The following TRPM8 variants were observed in gnomAD, a reference collection of about 807,000 sequenced individuals.
TRPM8 encodes the protein transient receptor potential cation channel subfamily M member 8.
A neutral mutation model predicts 133.7 loss-of-function variants in TRPM8; 110 were observed. That is an observed-to-expected ratio of 0.82 (90% confidence interval 0.70 to 0.96). TRPM8 has a LOEUF of 0.96. Ranked by LOEUF, TRPM8 falls within the 40% of genes least tolerant of loss-of-function variation. TRPM8 has a pLI of 0.00. For missense variants in TRPM8, 1,291 were observed against 1,379.5 expected (o/e 0.94, Z 1.02); for synonymous variants, 535 against 532.3 (o/e 1.01, Z -0.07).
chr2:233,977,247 G>A (rs954228072), intron 17 of TRPM8, among the ~76,000 whole-genome samples: 1 of 152,152 alleles, frequency 6.6e-6, no homozygotes, highest in Non-Finnish European at 1.5e-5. Context: ...ATGCCTTCAC[G>A]GAGGGCACCA....
chr2:233,971,087 T>G (rs1691701927), intron 17 of TRPM8, among the ~76,000 whole-genome samples: 1 of 152,228 alleles, frequency 6.6e-6, no homozygotes, highest in African/African-American at 2.4e-5. Flanking sequence ...GAAAATCTTT[T>G]CACACTTAGC....
rs2125143155 is a variant in TRPM8, at chr2:233,953,995, G to A, written c.1219G>A (p.Ala407Thr). The change falls in exon 10 of 26, where the codon GCC (alanine) becomes ACC (threonine). Residue 407 changes from alanine (A) to threonine (T), a missense_variant. Ala to Thr is a moderately conservative substitution (Grantham distance 58). This residue lies in a region of TRPM8 where 963 missense variants were observed against 968.9 expected (regional missense o/e 0.99). Coordinates refer to ENST00000324695, the MANE Select transcript of TRPM8 (RefSeq NM_024080.5). ...EEAGDEIVSNAISYALYKAFS... is the reference protein window; with the variant it reads ...EEAGDEIVSNTISYALYKAFS... ...AGCTGGGGATGAAATTGTGAGCAAT[G>A]CCATCTCCTACGCTCTATACAAAGG... The A allele has an allele frequency of 6.2e-7, 1 of 1,613,712 alleles. No homozygotes were observed.
rs754148043 is a variant in TRPM8 at position 233,980,290 on chromosome 2, T to C, written c.2447+11T>C. The C allele has an allele frequency of 7.1e-6, 11 of 1,557,536 alleles. No homozygotes were observed. The highest frequency in any genetic ancestry group is 3.9e-4 in the Middle Eastern group (2 of 5,066). On this transcript the variant is annotated intron_variant, in intron 18 of 25. Transcript: ENST00000324695. ...AGGAATTGTATTTCGGTAAGTAGTC[T>C]CATCACTTTTCCTAATTTTCTGTGT...
At position 233,930,641 on chromosome 2, in the gene TRPM8, G is replaced by A. The variant is rs758920269; in HGVS notation, c.118-27G>A. On this transcript the variant is annotated intron_variant, in intron 2 of 25. Transcript: ENST00000324695. ...CAAGGGGTGAGAATAAATTAGTAAT[G>A]TGTTATTCAATGTTCTCTCTCCAAA... 3.0e-5 allele frequency: 44 copies of A among 1,485,818 alleles called. No homozygotes were observed. In the Admixed American group the frequency reaches 7.2e-4, roughly 24 times the overall value. The allele number at this position is 1,485,818 out of a possible 1,614,324, so 92.0% of individuals were successfully genotyped here. A position where few individuals can be genotyped will look rare whatever the true frequency, so the allele number is the denominator to read the frequency against.
chr2:234,017,152 A>G (rs546014311), intron 25 of TRPM8, 147 bp from the exon 26 acceptor site: 4 of 354,338 alleles, frequency 1.1e-5, no homozygotes, highest in African/African-American at 2.2e-5. Context: ...AGCTGCTTCT[A>G]TAAAAAAAAA....
intron 1 of TRPM8, 90 bp from the exon 2 acceptor site, chr2:233,926,443 G>A: frequency 1.1e-6 from 1 of 943,546 alleles, no homozygotes; most frequent in Non-Finnish European, 1.7e-6. Context: ...AGGGGAGAGG[G>A]TGGAGGGAAA....
intron 3 of TRPM8, among the ~76,000 whole-genome samples, chr2:233,936,891 C>CTTTTTTTTTTTTTTTTTTTTT (rs5839499): frequency 9.9e-6 from 1 of 101,328 alleles, no homozygotes; most frequent in African/African-American, 3.9e-5. Context: ...TCTTTCTTTC[C>CTTTTTTTTTTTTTTTTTTTTT]TTTTTTTTTT....
intron 17 of TRPM8, among the ~76,000 whole-genome samples, chr2:233,971,364 G>A (rs1691712447): frequency 6.6e-6 from 1 of 152,144 alleles, no homozygotes; most frequent in South Asian, 2.1e-4. Flanking sequence ...AGCCGTCCTG[G>A]GTTGAGAAAG....
At chr2:233,974,231 G>GT (rs1691806516) in intron 17 of TRPM8, among the ~76,000 whole-genome samples, 1 of 151,852 alleles carries the variant, frequency 6.6e-6, no homozygotes, top group Non-Finnish European at 1.5e-5. Context: ...TTGTTTTTTA[G>GT]TTTTTTTGTT....
At position 233,985,201 on chromosome 2, in the gene TRPM8, TG is replaced by T. The variant is rs199613327; in HGVS notation, c.2762-483del. On this transcript the variant is annotated intron_variant, in intron 20 of 25. Coordinates refer to ENST00000324695, the MANE Select transcript of TRPM8 (RefSeq NM_024080.5). ...GCCTTTGCCCATGCTGTTGCCTCTG[TG>T]GGGTGCTCTAGGCTCCCAACCTCCC... Among the ~76,000 whole-genome samples, 1,137 of 152,346 alleles carry T rather than the reference TG, an allele frequency of 7.5e-3. 16 individuals are homozygous for T. The highest frequency in any genetic ancestry group is 0.026 in the African/African-American group (1,081 of 41,574).
intron 1 of TRPM8, among the ~76,000 whole-genome samples, chr2:233,924,484 A>G (rs745652785): frequency 3.3e-5 from 5 of 152,128 alleles, no homozygotes; most frequent in Admixed American, 6.5e-5. Context: ...CTGAGCCTGA[A>G]GTCCTGCAAC....
chr2:233,993,951 A>T (rs761993811), intron 21 of TRPM8, among the ~76,000 whole-genome samples: 5 of 152,226 alleles, frequency 3.3e-5, no homozygotes, highest in African/African-American at 9.6e-5. Context: ...CTAGATATAT[A>T]GTCAAAGATT....
At chr2:233,947,511 C>G (rs1430112076) in intron 8 of TRPM8, 25 of 1,310,028 alleles carry the variant, frequency 1.9e-5, no homozygotes, top group Non-Finnish European at 2.0e-5. Flanking sequence ...TGATCATACA[C>G]ACACAGATTG....
chr2:233,995,953 G>A (rs1010517661), intron 21 of TRPM8, among the ~76,000 whole-genome samples: 1 of 151,900 alleles, frequency 6.6e-6, no homozygotes, highest in African/African-American at 2.4e-5. Context: ...CATGGATGAG[G>A]GCCACCATGC....
intron 17 of TRPM8, among the ~76,000 whole-genome samples, chr2:233,973,019 G>T (rs182546824): frequency 6.6e-6 from 1 of 152,236 alleles, no homozygotes; most frequent in African/African-American, 2.4e-5. Flanking sequence ...CTGCCAGCAC[G>T]CTGTCACCTC....
intron 17 of TRPM8, among the ~76,000 whole-genome samples, chr2:233,978,852 C>G (rs1407069418): frequency 6.6e-6 from 1 of 152,168 alleles, no homozygotes; most frequent in Non-Finnish European, 1.5e-5. Context: ...TCATAGTGCC[C>G]TCACCCCCTT....
At chr2:234,004,375 C>A (rs1486750023) in intron 22 of TRPM8, among the ~76,000 whole-genome samples, 1 of 152,226 alleles carries the variant, frequency 6.6e-6, no homozygotes, top group Non-Finnish European at 1.5e-5. Flanking sequence ...TCACTGCCTG[C>A]TCATTTGCTT....
chr2:234,008,547 T>C (rs1344177891), intron 24 of TRPM8, among the ~76,000 whole-genome samples: 1 of 152,166 alleles, frequency 6.6e-6, no homozygotes, highest in African/African-American at 2.4e-5. Flanking sequence ...ATAGACAGAG[T>C]GTGTCTGCCC....
In TRPM8 at chr2:234,006,938, C is replaced by G; in HGVS notation, c.3216C>G (p.Asn1072Lys). 6.2e-7 allele frequency: 1 copy of G among 1,613,316 alleles called. No homozygotes were observed. The highest frequency in any genetic ancestry group is 1.3e-5 in the African/African-American group (1 of 75,032). Residue 1072 changes from asparagine (N) to lysine (K), a missense_variant, in exon 23 of 26, where the codon AAC (asparagine) becomes AAG (lysine). Coordinates refer to ENST00000324695, the MANE Select transcript of TRPM8 (RefSeq NM_024080.5). ...NYLVKINTKA[N>K]DTSEEMRHRF... ...TTGTCAAGATCAACACAAAAGCCAA[C>G]GACACCTCAGAGGAGTATGTCAGAC...
Sources: gnomAD v4.1 joint callset for allele counts (sites outside exome capture counted in the v4.1 genomes callset) on GRCh38, gnomAD v4.1.1 for gene constraint, gnomAD v4.1.1 regional missense constraint, MANE v1.5 for transcripts, NCBI Gene and HGNC (gene_info 2026-07-23, HGNC 2026-07-21) for gene names.